Variants in RASGRF2 observed in about 807,000 individuals in gnomAD.
RASGRF2 encodes Ras protein specific guanine nucleotide releasing factor 2.
A neutral mutation model predicts 151.0 loss-of-function variants in RASGRF2; 76 were observed. The observed-to-expected ratio is 0.50, with a 90% CI of 0.42 to 0.61. The LOEUF (loss-of-function observed/expected upper bound fraction) is 0.61. Ranked by LOEUF, RASGRF2 falls within the 20% of genes least tolerant of loss-of-function variation. RASGRF2 has a pLI of 0.00. For synonymous variants in RASGRF2, 504 were observed against 566.5 expected (o/e 0.89, Z 1.57); for missense variants, 1,148 against 1,564.6 (o/e 0.73, Z 4.49).
chr5:81,106,751 T>C (rs1268441528), intron 12 of RASGRF2, among the ~76,000 whole-genome samples: 2 of 152,208 alleles, frequency 1.3e-5, no homozygotes, highest in African/African-American at 4.8e-5. Flanking sequence ...CTTGGCTTGC[T>C]GGTTGAAACA....
At chr5:81,058,047 T>G (rs1751286411) in intron 2 of RASGRF2, among the ~76,000 whole-genome samples, 1 of 152,044 alleles carries the variant, frequency 6.6e-6, no homozygotes, top group African/African-American at 2.4e-5. Context: ...TTTCCAGCTA[T>G]CTTGAAATAT....
At chr5:81,186,677 C>T (rs1353659601) in intron 18 of RASGRF2, among the ~76,000 whole-genome samples, 1 of 152,164 alleles carries the variant, frequency 6.6e-6, no homozygotes, top group Non-Finnish European at 1.5e-5. Context: ...AGGTAGAAGA[C>T]AGGAATTAGC....
intron 18 of RASGRF2, among the ~76,000 whole-genome samples, chr5:81,195,902 C>T (rs907284880): frequency 6.6e-6 from 1 of 152,116 alleles, no homozygotes; most frequent in African/African-American, 2.4e-5. Flanking sequence ...CGATATGTGA[C>T]GGGAGACCAT....
At chr5:81,049,350 A>G (rs888076063) in intron 2 of RASGRF2, among the ~76,000 whole-genome samples, 6 of 152,156 alleles carry the variant, frequency 3.9e-5, no homozygotes, top group African/African-American at 1.4e-4. Context: ...ATATAATTAC[A>G]GACTTTTTAT....
rs534089947 is a variant in RASGRF2, at chr5:81,053,794, C to T, written c.395+10811C>T. Among the ~76,000 whole-genome samples the T allele has an allele frequency of 3.3e-5, 5 of 152,294 alleles. No homozygotes were observed. In the South Asian group the frequency reaches 1.0e-3, roughly 32 times the overall value. ...ACATCCTCTCCAGCACCTGTTGTTT[C>T]CTGACTTTTTAATGATCACCATTCT... is the stretch of plus-strand genomic sequence containing the variant. On this transcript the variant is annotated intron_variant, in intron 2 of 26. Transcript: ENST00000265080.
intron 15 of RASGRF2, among the ~76,000 whole-genome samples, chr5:81,119,592 G>A (rs1561216381): frequency 6.6e-6 from 1 of 152,208 alleles, no homozygotes. Flanking sequence ...TCTTAGGGAA[G>A]GACACTGACA....
chr5:81,017,570 G>A (rs1017464818), intron 1 of RASGRF2, among the ~76,000 whole-genome samples: 1 of 152,248 alleles, frequency 6.6e-6, no homozygotes, highest in African/African-American at 2.4e-5. Context: ...AGAAGATGCG[G>A]AGGTGGCAGC....
At chr5:81,116,227 C>A (rs1159892559) in intron 15 of RASGRF2, among the ~76,000 whole-genome samples, 1 of 151,792 alleles carries the variant, frequency 6.6e-6, no homozygotes, top group African/African-American at 2.4e-5. Context: ...GGATTACAGG[C>A]ACGCACCATC....
chr5:80,972,170 A>G (rs1346554422), intron 1 of RASGRF2, among the ~76,000 whole-genome samples: 1 of 152,234 alleles, frequency 6.6e-6, no homozygotes, highest in Non-Finnish European at 1.5e-5. Flanking sequence ...TTTGGTGTAC[A>G]TACATGTGCA....
At chr5:81,083,262 G>T (rs1003662193) in intron 7 of RASGRF2, among the ~76,000 whole-genome samples, 1 of 130,596 alleles carries the variant, frequency 7.7e-6, no homozygotes, top group East Asian at 2.1e-4. Flanking sequence ...TGAGGCTAGG[G>T]TTCTCACTTT....
At chr5:81,213,067 C>G (rs987626103) in intron 23 of RASGRF2, among the ~76,000 whole-genome samples, 2 of 152,192 alleles carry the variant, frequency 1.3e-5, no homozygotes, top group Admixed American at 6.5e-5. Flanking sequence ...CTGTCATTTT[C>G]ACTCAGATAA....
intron 1 of RASGRF2, among the ~76,000 whole-genome samples, chr5:80,974,294 A>G (rs987434018): frequency 5.3e-5 from 8 of 152,262 alleles, no homozygotes; most frequent in Non-Finnish European, 1.5e-5. Flanking sequence ...ACAAACAGCT[A>G]TGCTGTTGGC....
Position 81,109,096 on chromosome 5 carries a change from T to C in RASGRF2, c.1838+18T>C. ...ATGATTAAGTAAGTGTGAGAATCCT[T>C]TCCTTTACATTTTAATCAAGATTAA... On this transcript the variant is annotated intron_variant, in intron 13 of 26. Coordinates refer to ENST00000265080, the MANE Select transcript of RASGRF2 (RefSeq NM_006909.3). 1 of 1,596,236 alleles carries C rather than the reference T, an allele frequency of 6.3e-7. No individual in the cohort carries two copies. The highest frequency in any genetic ancestry group is 8.6e-7 in the Non-Finnish European group (1 of 1,167,488).
chr5:81,185,682 C>A (rs746623458), intron 18 of RASGRF2, among the ~76,000 whole-genome samples: 5 of 152,148 alleles, frequency 3.3e-5, no homozygotes, highest in Non-Finnish European at 7.3e-5. Flanking sequence ...TTATTGCTTT[C>A]CCCTGGACCT....
chr5:80,969,470 A>G (rs1315858183), intron 1 of RASGRF2, among the ~76,000 whole-genome samples: 1 of 103,148 alleles, frequency 9.7e-6, no homozygotes, highest in Non-Finnish European at 2.0e-5. Context: ...TTTTTTTGAG[A>G]CAGAGTCTCA....
rs775648371 is a variant in RASGRF2 at position 81,206,817 on chromosome 5, A to G, written c.2907-28A>G. The stretch of plus-strand genomic sequence containing the variant: ...TCCTAGGTTGTCTATTTTTTCTTTC[A>G]TGGAGGATAATTTGATATCTTTTTC... On this transcript the variant is annotated intron_variant, in intron 19 of 26. Transcript: ENST00000265080. 12 of 1,583,810 alleles carry G rather than the reference A, an allele frequency of 7.6e-6. No homozygotes were observed. The African/African-American group carries it at 8.1e-5, about 11-fold the overall frequency.
At chr5:81,142,196 A>G (rs973042423) in intron 17 of RASGRF2, among the ~76,000 whole-genome samples, 2 of 152,236 alleles carry the variant, frequency 1.3e-5, no homozygotes, top group South Asian at 2.1e-4. Context: ...TGGAGTGTAG[A>G]TGGGGTAGAA....
chr5:81,035,392 CAT>C (rs1298236349), intron 1 of RASGRF2, among the ~76,000 whole-genome samples: 1 of 152,072 alleles, frequency 6.6e-6, no homozygotes, highest in Non-Finnish European at 1.5e-5. Context: ...TGTTCTCACT[CAT>C]AGGTGGGAAT....
intron 25 of RASGRF2, among the ~76,000 whole-genome samples, chr5:81,218,007 G>T (rs946392321): frequency 5.3e-5 from 8 of 152,176 alleles, no homozygotes; most frequent in Non-Finnish European, 1.5e-5. Flanking sequence ...CTCCCAAAGT[G>T]CTAGGATTAC....
Sources: gnomAD v4.1 joint callset for allele counts (sites outside exome capture counted in the v4.1 genomes callset) on GRCh38, gnomAD v4.1.1 for gene constraint, MANE v1.5 for transcripts, NCBI Gene and HGNC (gene_info 2026-07-23, HGNC 2026-07-21) for gene names.